ERBB4: variants seen among roughly 807,000 people sequenced by gnomAD.
ERBB4 encodes receptor tyrosine-protein kinase erbB-4.
In ERBB4, 42 loss-of-function variants were observed where a neutral mutation model predicts 158.0. That is an observed-to-expected ratio of 0.27 (90% confidence interval 0.21 to 0.34). The LOEUF (loss-of-function observed/expected upper bound fraction) is 0.34, where lower values mean the gene tolerates loss of function less well. Among genes scored for constraint, ERBB4 ranks in the 10% least tolerant of loss-of-function variants. ERBB4 has a pLI of 1.00. For missense variants in ERBB4, 1,333 were observed against 1,624.1 expected (o/e 0.82, Z 3.08); for synonymous variants, 583 against 558.7 (o/e 1.04, Z -0.61).
intron 20 of ERBB4, among the ~76,000 whole-genome samples, chr2:211,455,449 C>T (rs1187746633): frequency 6.6e-6 from 1 of 152,134 alleles, no homozygotes; most frequent in East Asian, 1.9e-4. Context: ...TGTTCAGCTG[C>T]CTTTTGTTTG....
intron 2 of ERBB4, among the ~76,000 whole-genome samples, chr2:212,070,710 T>C (rs978860826): frequency 4.4e-5 from 6 of 137,462 alleles, no homozygotes; most frequent in Non-Finnish European, 8.1e-5. Context: ...ATCAAAGACA[T>C]AAATATAAAA....
intron 2 of ERBB4, among the ~76,000 whole-genome samples, chr2:212,055,344 G>A (rs562204240): frequency 2.4e-4 from 36 of 152,204 alleles, no homozygotes; most frequent in Non-Finnish European, 3.8e-4. Flanking sequence ...TGAGGCCTCC[G>A]TGCTTCTGTA....
chr2:211,913,663 GTGTA>G (rs1467697844), intron 3 of ERBB4, among the ~76,000 whole-genome samples: 7 of 147,852 alleles, frequency 4.7e-5, no homozygotes, highest in African/African-American at 1.3e-4. Flanking sequence ...GTGTGTATGT[GTGTA>G]TGTGTGTGTG....
intron 3 of ERBB4, among the ~76,000 whole-genome samples, chr2:211,798,340 C>T (rs2076427868): frequency 1.3e-5 from 2 of 152,052 alleles, no homozygotes; most frequent in Non-Finnish European, 2.9e-5. Flanking sequence ...AATTCATAGG[C>T]TGTTCATTTT....
intron 2 of ERBB4, among the ~76,000 whole-genome samples, chr2:211,959,433 A>G (rs1575437616): frequency 6.6e-6 from 1 of 152,124 alleles, no homozygotes. Flanking sequence ...TGAACATCTA[A>G]TCTTATTATA....
In ERBB4 at chr2:211,966,774, T is replaced by C. The variant is rs374775238; in HGVS notation, c.235-19158A>G. Among the ~76,000 whole-genome samples the C allele has an allele frequency of 2.3e-4, 35 of 152,232 alleles. No homozygotes were observed. The South Asian group carries it at 7.3e-3, about 32-fold the overall frequency. ...GAGGCAGTATAGCCTTTAGAACACATTTTACTCAATTTCCTCTGAACTTTA... is the reference window on the plus strand; with the variant it reads ...GAGGCAGTATAGCCTTTAGAACACACTTTACTCAATTTCCTCTGAACTTTA... On this transcript the variant is annotated intron_variant, in intron 2 of 27. Coordinates refer to ENST00000342788, the MANE Select transcript of ERBB4 (RefSeq NM_005235.3).
chr2:211,399,133 T>C (rs1307006756), intron 25 of ERBB4, among the ~76,000 whole-genome samples: 2 of 152,224 alleles, frequency 1.3e-5, no homozygotes, highest in Non-Finnish European at 2.9e-5. Context: ...CTTCATTATA[T>C]TTAATTATTG....
intron 1 of ERBB4, among the ~76,000 whole-genome samples, chr2:212,302,984 C>T (rs1444105785): frequency 2.0e-5 from 3 of 150,796 alleles, no homozygotes; most frequent in Admixed American, 6.6e-5. Flanking sequence ...ATAAAGGAAG[C>T]AGAAGAGAAA....
Position 211,846,038 on chromosome 2 carries a change from T to A in ERBB4, c.422-57879A>T, listed in dbSNP as rs577118374. ...AACTGACAATTTTTTTCAACTACAA[T>A]ACTGTTAATTGTTGTTTTTTTTTTT... On this transcript the variant is annotated intron_variant, in intron 3 of 27. Transcript: ENST00000342788. Among the ~76,000 whole-genome samples, 9 of 140,872 alleles carry A rather than the reference T, an allele frequency of 6.4e-5. 1 individual carries two copies. In the East Asian group the frequency reaches 1.2e-3, roughly 20 times the overall value. The allele number at this position is 140,872 out of a possible 152,430, so 92.4% of individuals were successfully genotyped here. A position where few individuals can be genotyped will look rare whatever the true frequency, so the allele number is the denominator to read the frequency against.
chr2:212,397,037 C>T (rs2091048836), intron 1 of ERBB4, among the ~76,000 whole-genome samples: 1 of 151,934 alleles, frequency 6.6e-6, no homozygotes, highest in South Asian at 2.1e-4. Flanking sequence ...TTTATGTAAC[C>T]ATTTAATCCC....
chr2:211,508,295 C>A (rs532671262), intron 20 of ERBB4, among the ~76,000 whole-genome samples: 4 of 152,022 alleles, frequency 2.6e-5, no homozygotes, highest in South Asian at 2.1e-4. Context: ...AAAAAAACAA[C>A]CCCATCAAAA....
intron 2 of ERBB4, among the ~76,000 whole-genome samples, chr2:211,957,869 G>T (rs1195347910): frequency 1.3e-5 from 2 of 152,072 alleles, no homozygotes; most frequent in Non-Finnish European, 2.9e-5. Flanking sequence ...CATGTCTGAG[G>T]TCTTTTATAA....
intron 5 of ERBB4, among the ~76,000 whole-genome samples, chr2:211,735,931 T>C (rs753092692): frequency 2.0e-5 from 3 of 151,634 alleles, no homozygotes; most frequent in African/African-American, 7.3e-5. Flanking sequence ...GGCAGGAGGA[T>C]CTCTTGAGCC....
intron 2 of ERBB4, among the ~76,000 whole-genome samples, chr2:212,097,266 T>G (rs1380704308): frequency 1.3e-5 from 2 of 152,106 alleles, no homozygotes; most frequent in Non-Finnish European, 2.9e-5. Context: ...GGGAAAAGTG[T>G]GCCATTACAA....
intron 19 of ERBB4, among the ~76,000 whole-genome samples, chr2:211,598,075 T>C (rs1054406360): frequency 3.3e-5 from 5 of 152,106 alleles, no homozygotes; most frequent in African/African-American, 9.7e-5. Context: ...ACAATCCACT[T>C]TAGTTAAACT....
chr2:211,514,048 C>T (rs1232141829), intron 20 of ERBB4, among the ~76,000 whole-genome samples: 1 of 152,100 alleles, frequency 6.6e-6, no homozygotes, highest in Non-Finnish European at 1.5e-5. Context: ...AGTTGTCCTA[C>T]TGTGCTAGGG....
intron 19 of ERBB4, among the ~76,000 whole-genome samples, chr2:211,583,497 GTAGAA>G (rs2125776529): frequency 8.0e-6 from 1 of 124,868 alleles, no homozygotes; most frequent in African/African-American, 2.6e-5. Context: ...TGGAAGTATA[GTAGAA>G]TAAATTATTT....
intron 16 of ERBB4, among the ~76,000 whole-genome samples, chr2:211,655,914 T>C (rs368312420): frequency 1.1e-3 from 175 of 152,322 alleles, no homozygotes; most frequent in African/African-American, 3.8e-3. Context: ...TTTTTAGAAT[T>C]TAATTTTTCT....
chr2:211,525,293 T>G (rs1312169324), intron 20 of ERBB4, among the ~76,000 whole-genome samples: 1 of 152,098 alleles, frequency 6.6e-6, no homozygotes, highest in Non-Finnish European at 1.5e-5. Flanking sequence ...TTCCTTCCAC[T>G]TCAGGAAAGG....
Sources: allele counts gnomAD v4.1 joint callset (sites outside exome capture counted in the v4.1 genomes callset), GRCh38; gene constraint gnomAD v4.1.1; transcripts MANE v1.5; gene names NCBI Gene and HGNC (gene_info 2026-07-23, HGNC 2026-07-21).